The following SYMPK variants were observed in gnomAD, a reference collection of about 807,000 sequenced individuals.
SYMPK encodes the protein symplekin scaffold protein.
Under a neutral mutation model 136.4 loss-of-function variants are expected in SYMPK, and 49 were observed. The ratio of observed to expected loss-of-function variants is 0.36; its 90% confidence interval spans 0.29 to 0.46. The LOEUF (loss-of-function observed/expected upper bound fraction) is 0.46, where lower values mean the gene tolerates loss of function less well. SYMPK is among the 20% of genes least tolerant of loss of function. The pLI, the probability that SYMPK is intolerant of heterozygous loss-of-function variation, is 1.00. For missense variants in SYMPK, 1,365 were observed against 1,690.0 expected (o/e 0.81, Z 3.37); for synonymous variants, 766 against 713.0 (o/e 1.07, Z -1.19).
In SYMPK at chr19:45,823,840, G is replaced by T; in HGVS notation, c.2526C>A (p.Leu842=). The T allele has an allele frequency of 6.2e-7, 1 of 1,614,112 alleles. No individual in the cohort carries two copies. The highest frequency in any genetic ancestry group is 8.5e-7 in the Non-Finnish European group (1 of 1,180,028). ...CCTTGGGACAATTTTCCACCAGCAG[G>T]AGCAGCTCCGGGGAGTTCATGCCCA... The part of the protein sequence containing the change: ...RGMGMNSPEL[L]LLVENCPKGA... The change falls in exon 19 of 27, where the codon CTC becomes CTA. Residue 842 remains leucine, a synonymous_variant. Coordinates refer to ENST00000245934, the MANE Select transcript of SYMPK (RefSeq NM_004819.3).
At chr19:45,816,435 G>A (rs762360030) in intron 25 of SYMPK, 47 bp downstream of exon 25, 5 of 1,579,248 alleles carry the variant, frequency 3.2e-6, no homozygotes, top group African/African-American at 2.7e-5. Context: ...CTTGGGGTAG[G>A]GGGTGGGAGT....
At chr19:45,835,820 G>A (rs1035913663) in intron 10 of SYMPK, among the ~76,000 whole-genome samples, 1 of 152,004 alleles carries the variant, frequency 6.6e-6, no homozygotes, top group Non-Finnish European at 1.5e-5. Flanking sequence ...GCTGAGGCAG[G>A]ATAATTGCTT....
chr19:45,834,976 A>G, intron 11 of SYMPK, 102 bp downstream of exon 11: 1 of 1,176,932 alleles, frequency 8.5e-7, no homozygotes, highest in Non-Finnish European at 1.2e-6. Context: ...TAGCTCCCAC[A>G]TGATTTTCAA....
At position 45,842,282 on chromosome 19, in the gene SYMPK, T is replaced by C. The variant is rs1422106392; in HGVS notation, c.1055A>G (p.Asp352Gly). Residue 352 changes from aspartate to glycine, a missense_variant, in exon 9 of 27, where the codon GAC becomes GGC. By Grantham distance (94) the Asp-to-Gly change is moderately conservative. Coordinates refer to ENST00000245934, the MANE Select transcript of SYMPK (RefSeq NM_004819.3). ...SKDTRKRPRD[D>G]SDSTLKKMKL... ...CATCTTCTTGAGTGTGGAGTCCGAG[T>C]CATCGCGGGGCCGCTTGCGGGTGTC... 6.2e-7 allele frequency: 1 copy of C among 1,614,192 alleles called. No individual in the cohort carries two copies. Among genetic ancestry groups the C allele is most frequent in the East Asian group, 2.2e-5 (1 of 44,886 alleles).
chr19:45,834,408 G>A (rs1252328405), intron 11 of SYMPK, among the ~76,000 whole-genome samples: 1 of 151,012 alleles, frequency 6.6e-6, no homozygotes. Flanking sequence ...GCAGTAAGCC[G>A]AGATTGCACC....
Position 45,823,176 on chromosome 19 carries a change from T to C in SYMPK, c.2700+196A>G, listed in dbSNP as rs527296229. Reference sequence around the variant, plus strand: ...ATTGGCACCCGGGTGCCCATGCAAATGAGGCCAGGAGCTGCTCCGCATTTC... The same window carrying C: ...ATTGGCACCCGGGTGCCCATGCAAACGAGGCCAGGAGCTGCTCCGCATTTC... On this transcript the variant is annotated intron_variant, in intron 20 of 26. Coordinates refer to ENST00000245934, the MANE Select transcript of SYMPK (RefSeq NM_004819.3). Among the ~76,000 whole-genome samples the C allele has an allele frequency of 5.3e-5, 8 of 152,230 alleles. No homozygotes were observed. In the East Asian group the frequency reaches 1.4e-3, roughly 26 times the overall value.
At chr19:45,827,269 CGTGT>C (rs975231963) in intron 16 of SYMPK, among the ~76,000 whole-genome samples, 1 of 152,148 alleles carries the variant, frequency 6.6e-6, no homozygotes, top group Non-Finnish European at 1.5e-5. Flanking sequence ...GGCAAGCGCA[CGTGT>C]GTGTGTGTAC....
At chr19:45,838,694 T>C (rs1600514193) in intron 9 of SYMPK, 79 bp from the exon 10 acceptor site, 1 of 1,471,434 alleles carries the variant, frequency 6.8e-7, no homozygotes. Context: ...GCCCGGGTGG[T>C]CCCTGCCTCT....
Position 45,815,868 on chromosome 19 carries a change from C to T in SYMPK, c.3670G>A (p.Glu1224Lys). The T allele has an allele frequency of 6.2e-7, 1 of 1,611,890 alleles. No individual in the cohort carries two copies. The highest frequency in any genetic ancestry group is 8.5e-7 in the Non-Finnish European group (1 of 1,179,690). The stretch of plus-strand genomic sequence containing the variant: ...CTCCCTACCTTGGGTAGGGGGCCCT[C>T]GAGACTAGAGTCCAACAGCGCGGCC... ...TEAALLDSSL[E>K]GPLPKETAAG... is the part of the protein sequence containing the mutation. The change falls in exon 26 of 27, where the codon GAG (glutamate) becomes AAG (lysine). Residue 1224 changes from glutamate (E) to lysine (K), a missense_variant. Physicochemically the swap from Glu to Lys is moderately conservative, Grantham distance 56. Coordinates refer to ENST00000245934, the MANE Select transcript of SYMPK (RefSeq NM_004819.3).
intron 22 of SYMPK, chr19:45,820,041 G>C (rs1181632215): frequency 2.0e-5 from 3 of 152,408 alleles, no homozygotes; most frequent in Non-Finnish European, 4.4e-5. Flanking sequence ...TGTGGCCTCT[G>C]GCAAGGCCCT....
At chr19:45,862,777 G>A (rs1170491184) in intron 1 of SYMPK, among the ~76,000 whole-genome samples, 2 of 152,224 alleles carry the variant, frequency 1.3e-5, no homozygotes, top group African/African-American at 4.8e-5. Flanking sequence ...CAAGTTTAAG[G>A]AACCGAAAGG....
intron 1 of SYMPK, among the ~76,000 whole-genome samples, chr19:45,857,985 G>C (rs1971874709): frequency 2.0e-5 from 3 of 151,842 alleles, no homozygotes; most frequent in South Asian, 4.2e-4. Flanking sequence ...TTTTAGTAGA[G>C]ACGAAGTTTT....
chr19:45,817,024 C>T, intron 23 of SYMPK, 50 bp from the exon 24 acceptor site: 1 of 1,527,220 alleles, frequency 6.5e-7, no homozygotes, highest in Admixed American at 2.2e-5. Flanking sequence ...AGGCATCCCC[C>T]CGAGCCTTGA....
intron 1 of SYMPK, among the ~76,000 whole-genome samples, chr19:45,857,138 G>A (rs1568628078): frequency 6.6e-6 from 1 of 151,744 alleles, no homozygotes; most frequent in Non-Finnish European, 1.5e-5. Context: ...GCTGGGTGCG[G>A]TGGCTCACAC....
At position 45,822,938 on chromosome 19, in the gene SYMPK, G is replaced by A. The variant is rs576573716; in HGVS notation, c.2701-92C>T. Reference sequence around the variant, plus strand: ...CCACCCCTTCTGCTCGCCCTGGGGAGCTGAGGGCAAGCTCTGGCTCACTGA... The same window carrying A: ...CCACCCCTTCTGCTCGCCCTGGGGAACTGAGGGCAAGCTCTGGCTCACTGA... On this transcript the variant is annotated intron_variant, in intron 20 of 26. Transcript: ENST00000245934. 8.6e-4 allele frequency: 947 copies of A among 1,100,418 alleles called. 3 individuals carry two copies. The Middle Eastern group carries it at 0.013, about 15-fold the overall frequency. The allele number at this position is 1,100,418 out of a possible 1,614,324, so 68.2% of individuals were successfully genotyped here.
At position 45,815,688 on chromosome 19, in the gene SYMPK, C is replaced by G. The variant is rs541272706; in HGVS notation, c.3697G>C (p.Ala1233Pro). 49 of 1,609,654 alleles carry G rather than the reference C, an allele frequency of 3.0e-5. No individual in the cohort carries two copies. In the African/African-American group the frequency reaches 5.6e-4, roughly 18 times the overall value. ...LEGPLPKETAAGGLTLKEERS... is the reference protein window; with the variant it reads ...LEGPLPKETAPGGLTLKEERS... ...TCCTCCTTCAAGGTCAGCCCGCCCG[C>G]TGCCGTCTCCTGGTGACCGGGGAAG... The change falls in exon 27 of 27, where the codon GCG (alanine) becomes CCG (proline). Residue 1233 changes from alanine (A) to proline (P), a missense_variant. This residue lies in a region of SYMPK where 341 missense variants were observed against 270.5 expected (regional missense o/e 1.26). Transcript: ENST00000245934.
At chr19:45,828,734 C>CA in intron 14 of SYMPK, 2 of 573,306 alleles carry the variant, frequency 3.5e-6, no homozygotes, top group East Asian at 5.8e-5. Flanking sequence ...AGAGCAAGCT[C>CA]AGAGCAAGTG....
Position 45,816,713 on chromosome 19 carries a change from T to G in SYMPK, c.3258+85A>C. On this transcript the variant is annotated intron_variant, in intron 24 of 26. Coordinates refer to ENST00000245934, the MANE Select transcript of SYMPK (RefSeq NM_004819.3). ...CCTTCTTGTGTCCGCCTCCATCCAG[T>G]CCCCACCAACCAGAGGGACCCAGGG... is the stretch of plus-strand genomic sequence containing the variant. 3.4e-6 allele frequency: 5 copies of G among 1,490,016 alleles called. No individual in the cohort carries two copies. The Admixed American group carries it at 1.1e-4, about 34-fold the overall frequency. The allele number at this position is 1,490,016 out of a possible 1,614,324, so 92.3% of individuals were successfully genotyped here. A position where few individuals can be genotyped will look rare whatever the true frequency, so the allele number is the denominator to read the frequency against.
At chr19:45,849,657 A>G (rs1172875047) in intron 5 of SYMPK, among the ~76,000 whole-genome samples, 1 of 152,222 alleles carries the variant, frequency 6.6e-6, no homozygotes, top group Admixed American at 6.5e-5. Flanking sequence ...TATTTGCTGA[A>G]TGGACTTTTT....
Sources: allele counts gnomAD v4.1 joint callset (sites outside exome capture counted in the v4.1 genomes callset), GRCh38; gene constraint gnomAD v4.1.1; regional missense constraint gnomAD v4.1.1; transcripts MANE v1.5; gene names NCBI Gene and HGNC (gene_info 2026-07-23, HGNC 2026-07-21).